The following ATP8B2 variants were observed in gnomAD, a reference collection of about 807,000 sequenced individuals.
The protein encoded by ATP8B2 is ATPase phospholipid transporting 8B2.
In ATP8B2, 70 loss-of-function variants were observed where a neutral mutation model predicts 133.4. That is an observed-to-expected ratio of 0.52 (90% CI 0.43 to 0.64). The LOEUF (loss-of-function observed/expected upper bound fraction) is 0.64, where lower values mean the gene tolerates loss of function less well. ATP8B2 is among the 30% of genes least tolerant of loss of function. The pLI, the probability that ATP8B2 is intolerant of heterozygous loss-of-function variation, is 0.00. For missense variants in ATP8B2, 1,101 were observed against 1,535.7 expected (o/e 0.72, Z 4.73); for synonymous variants, 517 against 589.5 (o/e 0.88, Z 1.78).
chr1:154,348,560 T>C, intron 27 of ATP8B2, 22 bp downstream of exon 27: 1 of 1,610,720 alleles, frequency 6.2e-7, no homozygotes, highest in Non-Finnish European at 8.5e-7. Flanking sequence ...GGCTACCTGC[T>C]GTGGGAGGCA....
At position 154,334,432 on chromosome 1, in the gene ATP8B2, T is replaced by C; in HGVS notation, c.749-71T>C. 6.4e-7 allele frequency: 1 copy of C among 1,558,014 alleles called. No individual in the cohort carries two copies. The highest frequency in any genetic ancestry group is 8.8e-7 in the Non-Finnish European group (1 of 1,131,774). On this transcript the variant is annotated intron_variant, in intron 10 of 27. Coordinates refer to ENST00000368489, the MANE Select transcript of ATP8B2 (RefSeq NM_001370597.1). The surrounding 1 kb of genome is among the most constrained non-coding windows in gnomAD (Gnocchi z 4.6). ...TATTCCACCCTGGTGTCCTGCAGTC[T>C]GGGGATCAGGGCAGAAGCCCAGAGG... is the stretch of plus-strand genomic sequence containing the variant.
chr1:154,327,830 T>C (rs1685843536), intron 1 of ATP8B2: 7 of 1,614,064 alleles, frequency 4.3e-6, no homozygotes, highest in African/African-American at 1.3e-5. Context: ...TCCCCTTTTT[T>C]CAATATCTGG....
chr1:154,344,068 C>T lies in ATP8B2; in HGVS notation c.1923+11C>T, dbSNP rs201349877. On this transcript the variant is annotated intron_variant, in intron 18 of 27. Transcript: ENST00000368489. The surrounding 1 kb of genome is among the most constrained non-coding windows in gnomAD (Gnocchi z 4.1). ...GAGAACAACATGATGGTACGGGCTG[C>T]GGGACGGGCCAAGGATGGGCACGGA... The T allele has an allele frequency of 1.2e-4, 186 of 1,613,768 alleles. No individual in the cohort carries two copies. The African/African-American group carries it at 1.8e-3, about 16-fold the overall frequency.
rs978813327 is a variant in ATP8B2 at position 154,330,664 on chromosome 1, C to T, written c.91-151C>T. On this transcript the variant is annotated intron_variant, in intron 3 of 27. Transcript: ENST00000368489. ...GAATACATTGACCCCCTTGAGACTC[C>T]CTTCTCTCCTCCTCTTTCCCCCTCC... The T allele has an allele frequency of 1.1e-5, 8 of 761,520 alleles. No individual in the cohort carries two copies. In the African/African-American group the frequency reaches 1.4e-4, roughly 13 times the overall value. 47.2% of individuals were successfully genotyped at this position (761,520 alleles called of 1,614,324 possible). A position where few individuals can be genotyped will look rare whatever the true frequency, so the allele number is the denominator to read the frequency against.
intron 13 of ATP8B2, 50 bp from the exon 14 acceptor site, chr1:154,342,430 G>C (rs373378878): frequency 6.3e-7 from 1 of 1,582,844 alleles, no homozygotes; most frequent in Non-Finnish European, 8.7e-7. Flanking sequence ...CCATGCTCTG[G>C]AGCTCTCTGG....
chr1:154,327,756 AC>A, intron 1 of ATP8B2: 1 of 1,578,404 alleles, frequency 6.3e-7, no homozygotes, highest in Non-Finnish European at 8.7e-7. Context: ...CACAAGCACT[AC>A]TCATTGCCGC....
Position 154,346,799 on chromosome 1 carries a change from G to A in ATP8B2, c.3163+41G>A, listed in dbSNP as rs771315031. The A allele has an allele frequency of 4.4e-6, 7 of 1,608,982 alleles. No homozygotes were observed. In the African/African-American group the frequency reaches 9.4e-5, roughly 21 times the overall value. ...CTCCTTGAATCGGTGAGGAATCACA[G>A]CTGTTCTGGGACTAACAGGACCATC... On this transcript the variant is annotated intron_variant, in intron 26 of 27. Coordinates refer to ENST00000368489, the MANE Select transcript of ATP8B2 (RefSeq NM_001370597.1). The surrounding 1 kb of genome is among the most constrained non-coding windows in gnomAD (Gnocchi z 4.5).
Position 154,351,112 on chromosome 1 carries a change from A to G in ATP8B2, c.*1994A>G, listed in dbSNP as rs1570878352. ...TTGTTTGTCTATATTATATAAATAT[A>G]TATATACAGTTATATATATATATAT... On this transcript the variant is annotated 3_prime_UTR_variant, in exon 28 of 28. Coordinates refer to ENST00000368489, the MANE Select transcript of ATP8B2 (RefSeq NM_001370597.1). 7.3e-6 allele frequency: 1 copy of G among 136,632 alleles called. No individual in the cohort carries two copies. Among genetic ancestry groups the G allele is most frequent in the Non-Finnish European group, 1.6e-5 (1 of 62,404 alleles). The allele number at this position is 136,632 out of a possible 1,614,324, so 8.5% of individuals were successfully genotyped here.
chr1:154,344,311 T>C lies in ATP8B2; in HGVS notation c.2035+57T>C. 2 of 1,614,140 alleles carry C rather than the reference T, an allele frequency of 1.2e-6. No homozygotes were observed. Among genetic ancestry groups the C allele is most frequent in the Non-Finnish European group, 1.7e-6 (2 of 1,180,012 alleles). ...ACTGACAGTAGCCCTGTTGGACCCT[T>C]GCATGGAGCCGAGGACATCAGGCAG... On this transcript the variant is annotated intron_variant, in intron 19 of 27. Transcript: ENST00000368489. This position sits in a 1 kb window ranked among gnomAD's most constrained non-coding sequence, Gnocchi z 4.1.
chr1:154,349,657 A>T lies in ATP8B2; in HGVS notation c.*539A>T. ...TATTTGGCAAGTGGAGGAGGCTTTT[A>T]TGTGACTTTTATGTTGTGGTTGGTG... On this transcript the variant is annotated 3_prime_UTR_variant, in exon 28 of 28. Coordinates refer to ENST00000368489, the MANE Select transcript of ATP8B2 (RefSeq NM_001370597.1). 1.3e-5 allele frequency: 2 copies of T among 155,346 alleles called. No individual in the cohort carries two copies. The highest frequency in any genetic ancestry group is 4.8e-5 in the African/African-American group (2 of 41,410). 9.6% of individuals were successfully genotyped at this position (155,346 alleles called of 1,614,324 possible). A position where few individuals can be genotyped will look rare whatever the true frequency, so the allele number is the denominator to read the frequency against.
In ATP8B2 at chr1:154,346,797, C is replaced by T; in HGVS notation, c.3163+39C>T. The stretch of plus-strand genomic sequence containing the variant: ...GCCTCCTTGAATCGGTGAGGAATCA[C>T]AGCTGTTCTGGGACTAACAGGACCA... On this transcript the variant is annotated intron_variant, in intron 26 of 27. Coordinates refer to ENST00000368489, the MANE Select transcript of ATP8B2 (RefSeq NM_001370597.1). This position sits in a 1 kb window ranked among gnomAD's most constrained non-coding sequence, Gnocchi z 4.5. 6.2e-7 allele frequency: 1 copy of T among 1,610,184 alleles called. No individual in the cohort carries two copies. Among genetic ancestry groups the T allele is most frequent in the Non-Finnish European group, 8.5e-7 (1 of 1,177,072 alleles).
rs1037220717 is a variant in ATP8B2, at chr1:154,325,623, G to C, written c.-117G>C. 6.6e-6 allele frequency: 1 copy of C among 151,882 alleles called. No individual in the cohort carries two copies. The highest frequency in any genetic ancestry group is 2.4e-5 in the African/African-American group (1 of 41,336). 9.4% of individuals were successfully genotyped at this position (151,882 alleles called of 1,614,324 possible). A position where few individuals can be genotyped will look rare whatever the true frequency, so the allele number is the denominator to read the frequency against. On this transcript the variant is annotated 5_prime_UTR_variant, in exon 1 of 28. Coordinates refer to ENST00000368489, the MANE Select transcript of ATP8B2 (RefSeq NM_001370597.1). The stretch of plus-strand genomic sequence containing the variant: ...GGGGGGCGGGAGCCCGTGGGGAGCC[G>C]AGCCGAGCGCCCCCCGCCCCAGCCC...
At chr1:154,329,491 G>C (rs560128021) in intron 2 of ATP8B2, among the ~76,000 whole-genome samples, 38 of 152,140 alleles carry the variant, frequency 2.5e-4, no homozygotes, top group Non-Finnish European at 4.7e-4. Flanking sequence ...TGACCCCCGG[G>C]GAGACGGGCT....
At chr1:154,327,146 G>A (rs1685816891) in intron 1 of ATP8B2, among the ~76,000 whole-genome samples, 1 of 152,178 alleles carries the variant, frequency 6.6e-6, no homozygotes, top group African/African-American at 2.4e-5. Flanking sequence ...TATCTCTTGG[G>A]GCTGACAGGT....
rs538615432 is a variant in ATP8B2 at position 154,344,713 on chromosome 1, T to C, written c.2214T>C (p.Ser738=). The change falls in exon 21 of 28, where the codon TCT becomes TCC. Residue 738 remains serine (S), a synonymous_variant. Transcript: ENST00000368489. This position sits in a 1 kb window ranked among gnomAD's most constrained non-coding sequence, Gnocchi z 4.1. The part of the protein sequence containing the change: ...GNGFTYQDKL[S]SSKLTSVLEA... ...GCTTCACCTATCAGGACAAGCTTTC[T>C]TCTTCCAAGCTAACTTCTGTCCTGG... 6.2e-7 allele frequency: 1 copy of C among 1,612,122 alleles called. No homozygotes were observed. The highest frequency in any genetic ancestry group is 1.1e-5 in the South Asian group (1 of 91,070).
At chr1:154,348,368 C>T in intron 26 of ATP8B2, 40 bp from the exon 27 acceptor site, 1 of 1,570,702 alleles carries the variant, frequency 6.4e-7, no homozygotes, top group Non-Finnish European at 8.7e-7. Flanking sequence ...GAATGTCTGC[C>T]TCGTGACTCC....
At chr1:154,336,056 A>G (rs1406162953) in intron 11 of ATP8B2, among the ~76,000 whole-genome samples, 1 of 150,642 alleles carries the variant, frequency 6.6e-6, no homozygotes, top group Non-Finnish European at 1.5e-5. Flanking sequence ...AAAAAAAAAA[A>G]AGGCCATCTA....
At position 154,346,727 on chromosome 1, in the gene ATP8B2, C is replaced by G; in HGVS notation, c.3132C>G (p.Phe1044Leu). 1 of 1,614,184 alleles carries G rather than the reference C, an allele frequency of 6.2e-7. No individual in the cohort carries two copies. The highest frequency in any genetic ancestry group is 8.5e-7 in the Non-Finnish European group (1 of 1,180,048). The stretch of plus-strand genomic sequence containing the variant: ...TTGCCATGCACAGCAATGGGCTCTT[C>G]GACATGTTTCCCAACCAGTTCCGGT... ...ILFAMHSNGL[F>L]DMFPNQFRFV... The change falls in exon 26 of 28, where the codon TTC (phenylalanine) becomes TTG (leucine). Residue 1044 changes from phenylalanine to leucine, a missense_variant. Coordinates refer to ENST00000368489, the MANE Select transcript of ATP8B2 (RefSeq NM_001370597.1). This position sits in a 1 kb window ranked among gnomAD's most constrained non-coding sequence, Gnocchi z 4.5.
Position 154,343,652 on chromosome 1 carries a change from A to C in ATP8B2, c.1758+84A>C. On this transcript the variant is annotated intron_variant, in intron 17 of 27. Transcript: ENST00000368489. This position sits in a 1 kb window ranked among gnomAD's most constrained non-coding sequence, Gnocchi z 5.8. ...CGACTTAAGTTTGTTTTATTGTGTA[A>C]ATTTAAGGTCTACAACGTGATGTTT... 1 of 1,313,778 alleles carries C rather than the reference A, an allele frequency of 7.6e-7. No homozygotes were observed. Among genetic ancestry groups the C allele is most frequent in the Non-Finnish European group, 1.1e-6 (1 of 920,862 alleles). The allele number at this position is 1,313,778 out of a possible 1,614,324, so 81.4% of individuals were successfully genotyped here.
Sources: allele counts gnomAD v4.1 joint callset (sites outside exome capture counted in the v4.1 genomes callset), GRCh38; gene constraint gnomAD v4.1.1; non-coding constraint Gnocchi (gnomAD v3.1); transcripts MANE v1.5; gene names NCBI Gene and HGNC (gene_info 2026-07-23, HGNC 2026-07-21).